TAFA2: variants seen among roughly 807,000 people sequenced by gnomAD.
TAFA2 encodes chemokine-like protein TAFA-2.
In TAFA2, 7 loss-of-function variants were observed where a neutral mutation model predicts 18.8. That is an observed-to-expected ratio of 0.37 (90% CI 0.21 to 0.70). The LOEUF is 0.70. Among genes scored for constraint, TAFA2 ranks in the 30% least tolerant of loss-of-function variants. The pLI is 0.53. For synonymous variants in TAFA2, 60 were observed against 54.2 expected (o/e 1.11, Z -0.47); for missense variants, 122 against 158.1 (o/e 0.77, Z 1.23).
chr12:62,130,621 T>C (rs917405116), intron 1 of TAFA2, among the ~76,000 whole-genome samples: 2 of 151,962 alleles, frequency 1.3e-5, no homozygotes, highest in Non-Finnish European at 2.9e-5. Flanking sequence ...CCTGAGTACC[T>C]ACTATGTGGC....
chr12:61,853,460 A>AT (rs1873761865), intron 2 of TAFA2, among the ~76,000 whole-genome samples: 2 of 150,126 alleles, frequency 1.3e-5, no homozygotes, highest in African/African-American at 5.1e-5. Context: ...TTGATGGCGG[A>AT]TTAAAAAAAT....
chr12:62,089,684 A>G (rs1000736727), intron 1 of TAFA2, among the ~76,000 whole-genome samples: 2 of 152,054 alleles, frequency 1.3e-5, no homozygotes, highest in African/African-American at 4.8e-5. Flanking sequence ...TTTTAAATAC[A>G]TATGATTCAT....
At chr12:61,901,045 A>G (rs1592471382) in intron 1 of TAFA2, among the ~76,000 whole-genome samples, 1 of 152,142 alleles carries the variant, frequency 6.6e-6, no homozygotes, top group African/African-American at 2.4e-5. Context: ...GGTCTACTTT[A>G]TTACAGGTAT....
rs1565695267 is a variant in TAFA2 at position 61,955,658 on chromosome 12, TA to T, written c.-1-88233del. On this transcript the variant is annotated intron_variant, in intron 1 of 4. Coordinates refer to ENST00000416284, the MANE Select transcript of TAFA2 (RefSeq NM_178539.5). ...ATATATATATATATATATATATATA[TA>T]TATATATATATTTAATTTTAAAAAT... Among the ~76,000 whole-genome samples the T allele has an allele frequency of 1.2e-4, 13 of 110,294 alleles. 1 individual carries two copies. The highest frequency in any genetic ancestry group is 3.9e-4 in the African/African-American group (12 of 30,474). 72.4% of individuals were successfully genotyped at this position (110,294 alleles called of 152,430 possible). A position where few individuals can be genotyped will look rare whatever the true frequency, so the allele number is the denominator to read the frequency against.
chr12:61,919,861 C>T (rs1187177688), intron 1 of TAFA2, among the ~76,000 whole-genome samples: 6 of 152,026 alleles, frequency 3.9e-5, no homozygotes, highest in African/African-American at 1.4e-4. Flanking sequence ...GTTAATCACT[C>T]AACCAAAAAC....
chr12:62,118,749 A>G (rs968076517), intron 1 of TAFA2, among the ~76,000 whole-genome samples: 2 of 151,960 alleles, frequency 1.3e-5, no homozygotes, highest in East Asian at 3.9e-4. Flanking sequence ...ATCTCTTCAT[A>G]TGTTTGTTAG....
chr12:61,725,933 G>A (rs910744975), intron 4 of TAFA2, among the ~76,000 whole-genome samples: 4 of 151,910 alleles, frequency 2.6e-5, no homozygotes, highest in Non-Finnish European at 5.9e-5. Context: ...GGTTGGTGAG[G>A]GGTGAGGTAT....
intron 1 of TAFA2, among the ~76,000 whole-genome samples, chr12:62,082,942 C>T (rs1868345914): frequency 6.6e-6 from 1 of 152,116 alleles, no homozygotes; most frequent in Admixed American, 6.6e-5. Context: ...ATCCTTGCAA[C>T]ATCCCTTTGA....
chr12:61,935,587 A>C (rs1017154417), intron 1 of TAFA2, among the ~76,000 whole-genome samples: 2 of 152,202 alleles, frequency 1.3e-5, no homozygotes, highest in African/African-American at 4.8e-5. Flanking sequence ...AGTTTTAAGA[A>C]AAAATAATAT....
At chr12:61,893,033 A>G (rs971209525) in intron 1 of TAFA2, among the ~76,000 whole-genome samples, 7 of 152,232 alleles carry the variant, frequency 4.6e-5, no homozygotes, top group Non-Finnish European at 8.8e-5. Context: ...AAGACCCAAG[A>G]TCTAAAACAC....
chr12:62,120,832 T>C (rs943860305), intron 1 of TAFA2, among the ~76,000 whole-genome samples: 6 of 150,648 alleles, frequency 4.0e-5, no homozygotes, highest in African/African-American at 1.5e-4. Context: ...GTTTCTTTAT[T>C]ATTATTATTA....
At chr12:62,022,044 C>T in intron 1 of TAFA2, 1 of 592,298 alleles carries the variant, frequency 1.7e-6, no homozygotes, top group East Asian at 4.0e-5. Context: ...GCATAAAGCT[C>T]TACACTGCCC....
chr12:62,199,627 T>A (rs1317675579), intron 1 of TAFA2, among the ~76,000 whole-genome samples: 1 of 152,120 alleles, frequency 6.6e-6, no homozygotes, highest in Non-Finnish European at 1.5e-5. Flanking sequence ...TATATATATA[T>A]AAAACATTGT....
At chr12:61,910,092 G>GTGTGTGTT (rs1414581657) in intron 1 of TAFA2, among the ~76,000 whole-genome samples, 73 of 80,652 alleles carry the variant, frequency 9.1e-4, no homozygotes, top group African/African-American at 5.4e-3. Context: ...TTGTGTGTGT[G>GTGTGTGTT]TGTGTGTTTG....
chr12:62,024,412 T>A (rs1185620302), intron 1 of TAFA2, among the ~76,000 whole-genome samples: 1 of 152,134 alleles, frequency 6.6e-6, no homozygotes, highest in Non-Finnish European at 1.5e-5. Flanking sequence ...TATTGTTTGG[T>A]TAGAGCCCAA....
chr12:62,159,696 T>C (rs2062393458), intron 1 of TAFA2, among the ~76,000 whole-genome samples: 2 of 151,470 alleles, frequency 1.3e-5, no homozygotes, highest in Admixed American at 1.3e-4. Context: ...CAGTGGACTT[T>C]AGGGACTTGG....
At chr12:62,208,272 T>C (rs1420224679) in intron 1 of TAFA2, among the ~76,000 whole-genome samples, 1 of 151,960 alleles carries the variant, frequency 6.6e-6, no homozygotes, top group Non-Finnish European at 1.5e-5. Flanking sequence ...GTCAAGGACA[T>C]ATGAACCAAG....
chr12:61,718,203 C>G (rs1869743865), intron 4 of TAFA2, among the ~76,000 whole-genome samples: 1 of 152,134 alleles, frequency 6.6e-6, no homozygotes, highest in African/African-American at 2.4e-5. Flanking sequence ...TGCGCTGTTT[C>G]TTGGAACTTT....
intron 1 of TAFA2, among the ~76,000 whole-genome samples, chr12:62,065,746 G>A (rs1435562255): frequency 6.6e-6 from 1 of 150,612 alleles, no homozygotes; most frequent in Admixed American, 6.6e-5. Context: ...TGATTAGTAG[G>A]GGTAGAACTA....
Sources: allele counts gnomAD v4.1 joint callset (sites outside exome capture counted in the v4.1 genomes callset), GRCh38; gene constraint gnomAD v4.1.1; transcripts MANE v1.5; gene names NCBI Gene and HGNC (gene_info 2026-07-23, HGNC 2026-07-21).